WNK1: variants seen among roughly 807,000 people sequenced by gnomAD.
WNK1 encodes serine/threonine-protein kinase WNK1.
Under a neutral mutation model 222.8 loss-of-function variants are expected in WNK1, and 38 were observed. The observed-to-expected ratio is 0.17, with a 90% CI of 0.13 to 0.22. The LOEUF is 0.22. Ranked by LOEUF, WNK1 falls within the 10% of genes least tolerant of loss-of-function variation. The probability of loss-of-function intolerance (pLI) is 1.00; values close to 1 mark genes in which losing one functional copy is unlikely to be tolerated. For synonymous variants in WNK1, 1,090 were observed against 1,092.9 expected, an observed-to-expected ratio of 1.00 and a Z score of 0.05; for missense variants, 2,348 against 2,918.4, an observed-to-expected ratio of 0.80 and a Z score of 4.50.
In WNK1 at chr12:836,500, G is replaced by A. The variant is rs531906337; in HGVS notation, c.1311+6340G>A. Among the ~76,000 whole-genome samples the A allele has an allele frequency of 1.1e-4, 17 of 152,308 alleles. No individual in the cohort carries two copies. The South Asian group carries it at 3.5e-3, about 32-fold the overall frequency. ...CAGAAGGGTTTGACTTAGGCTTTCT[G>A]CTACAAAAGATTGGGAGGATAGTAG... is the stretch of plus-strand genomic sequence containing the variant. On this transcript the variant is annotated intron_variant, in intron 4 of 27. Coordinates refer to ENST00000315939, the MANE Select transcript of WNK1 (RefSeq NM_018979.4).
intron 1 of WNK1, among the ~76,000 whole-genome samples, chr12:778,279 T>C (rs1411070542): frequency 6.6e-6 from 1 of 152,182 alleles, no homozygotes; most frequent in African/African-American, 2.4e-5. Flanking sequence ...TTGAAATTTA[T>C]GTAAAATTCT....
Position 862,068 on chromosome 12 carries a change from T to C in WNK1, c.1952-15T>C. 1 of 1,613,802 alleles carries C rather than the reference T, an allele frequency of 6.2e-7. No homozygotes were observed. Among genetic ancestry groups the C allele is most frequent in the South Asian group, 1.1e-5 (1 of 91,056 alleles). On this transcript the variant is annotated splice_polypyrimidine_tract_variant and intron_variant, in intron 7 of 27. Coordinates refer to ENST00000315939, the MANE Select transcript of WNK1 (RefSeq NM_018979.4). Reference sequence around the variant, plus strand: ...TTCTCTCTCTCTTTTTTTTGGCGATTCATTTTTCCTTCAGCTGATGGGACG... The same window carrying C: ...TTCTCTCTCTCTTTTTTTTGGCGATCCATTTTTCCTTCAGCTGATGGGACG...
Position 885,929 on chromosome 12 carries a change from A to G in WNK1, c.5125A>G (p.Thr1709Ala). The G allele has an allele frequency of 6.2e-7, 1 of 1,602,318 alleles. No homozygotes were observed. Among genetic ancestry groups the G allele is most frequent in the Non-Finnish European group, 8.5e-7 (1 of 1,173,332 alleles). Residue 1709 changes from threonine (T) to alanine (A), a missense_variant, in exon 19 of 28, where the codon ACT becomes GCT. Physicochemically the swap from Thr to Ala is moderately conservative, Grantham distance 58 (BLOSUM62 0). Around this residue, in one of 13 missense-constraint regions of WNK1, gnomAD observed 1,144 missense variants for 1,273.6 expected, o/e 0.90. Coordinates refer to ENST00000315939, the MANE Select transcript of WNK1 (RefSeq NM_018979.4). ...PSKLLTSTTS[T>A]CLPPTNLPLG... The stretch of plus-strand genomic sequence containing the variant: ...CAAACTCCTGACTTCTACCACAAGT[A>G]CTTGCTTACCACCAACCAATTTACC...
intron 27 of WNK1, 35 bp downstream of exon 27, chr12:908,069 A>G: frequency 6.2e-7 from 1 of 1,610,080 alleles, no homozygotes; most frequent in Non-Finnish European, 8.5e-7. Flanking sequence ...AATCCGTAAC[A>G]CACATCTGAG....
chr12:757,135 C>T (rs1940173111), intron 1 of WNK1, among the ~76,000 whole-genome samples: 2 of 151,738 alleles, frequency 1.3e-5, no homozygotes, highest in Admixed American at 1.3e-4. Context: ...GTCCTTATAC[C>T]CATGGCAAAT....
chr12:839,546 T>C (rs1949455669), intron 4 of WNK1, among the ~76,000 whole-genome samples: 1 of 152,164 alleles, frequency 6.6e-6, no homozygotes, highest in Admixed American at 6.5e-5. Flanking sequence ...CTAACCTCAT[T>C]TGTTTTTTTC....
chr12:754,697 G>A (rs767248001), intron 1 of WNK1, among the ~76,000 whole-genome samples: 10 of 152,208 alleles, frequency 6.6e-5, no homozygotes, highest in Non-Finnish European at 1.3e-4. Context: ...GTGATGAGCT[G>A]CGTCTGGGTG....
intron 1 of WNK1, among the ~76,000 whole-genome samples, chr12:807,527 G>GACCC (rs1946476985): frequency 6.6e-6 from 1 of 151,970 alleles, no homozygotes; most frequent in African/African-American, 2.4e-5. Flanking sequence ...CTTACAGGAT[G>GACCC]ACCCACTAAG....
intron 7 of WNK1, among the ~76,000 whole-genome samples, 156 bp downstream of exon 7, chr12:861,499 A>T (rs1951215483): frequency 6.6e-6 from 1 of 152,202 alleles, no homozygotes; most frequent in Non-Finnish European, 1.5e-5. Context: ...CTTTATTCTT[A>T]TATCTGTGAC....
chr12:759,893 G>A (rs766498393), intron 1 of WNK1, among the ~76,000 whole-genome samples: 1 of 148,138 alleles, frequency 6.8e-6, no homozygotes, highest in Admixed American at 6.7e-5. Context: ...TATAAAACAT[G>A]TAGGATAGGG....
At chr12:815,494 CTT>C (rs2154013666) in intron 2 of WNK1, among the ~76,000 whole-genome samples, 1 of 152,280 alleles carries the variant, frequency 6.6e-6, no homozygotes, top group East Asian at 1.9e-4. Flanking sequence ...AACTTCCACT[CTT>C]GTTTATGGCA....
At chr12:813,491 T>C in intron 1 of WNK1, 151 bp from the exon 2 acceptor site, 2 of 774,672 alleles carry the variant, frequency 2.6e-6, no homozygotes, top group Admixed American at 5.1e-5. Context: ...CATGAATGTA[T>C]ATAATCCAAA....
intron 8 of WNK1, chr12:867,878 G>A (rs2154071344): frequency 6.2e-7 from 1 of 1,613,862 alleles, no homozygotes; most frequent in Non-Finnish European, 8.5e-7. Flanking sequence ...TCAGTCCATG[G>A]CGCATCCGTG....
At position 910,374 on chromosome 12, in the gene WNK1, G is replaced by A. The variant is rs1379899579; in HGVS notation, c.*1582G>A. 6.6e-6 allele frequency: 1 copy of A among 152,118 alleles called. No individual in the cohort carries two copies. The highest frequency in any genetic ancestry group is 1.9e-4 in the East Asian group (1 of 5,198). The allele number at this position is 152,118 out of a possible 1,614,324, so 9.4% of individuals were successfully genotyped here. A position where few individuals can be genotyped will look rare whatever the true frequency, so the allele number is the denominator to read the frequency against. On this transcript the variant is annotated 3_prime_UTR_variant, in exon 28 of 28. Coordinates refer to ENST00000315939, the MANE Select transcript of WNK1 (RefSeq NM_018979.4). ...CTTTATGATGTCCAAATGGTTGCAG[G>A]ATCATAATCTATTGTGCCACCTTTA...
Position 885,630 on chromosome 12 carries a change from A to T in WNK1, c.4826A>T (p.Asn1609Ile). Residue 1609 changes from asparagine to isoleucine, a missense_variant, in exon 19 of 28, where the codon AAT becomes ATT. Asn to Ile is a moderately radical substitution (Grantham distance 149, BLOSUM62 -3). This residue lies in a region of WNK1 where 1,144 missense variants were observed against 1,273.6 expected (regional missense o/e 0.90). Coordinates refer to ENST00000315939, the MANE Select transcript of WNK1 (RefSeq NM_018979.4). ...CCACCCTTGGTACAGCCTGTTGCCA[A>T]TGTGCCTGCTGTACAGCAGACACTA... ...SIPPLVQPVA[N>I]VPAVQQTLIH... 6.2e-7 allele frequency: 1 copy of T among 1,614,128 alleles called. No homozygotes were observed. The highest frequency in any genetic ancestry group is 2.2e-5 in the East Asian group (1 of 44,892).
At chr12:809,855 T>C (rs1946746015) in intron 1 of WNK1, among the ~76,000 whole-genome samples, 1 of 152,236 alleles carries the variant, frequency 6.6e-6, no homozygotes, top group Non-Finnish European at 1.5e-5. Flanking sequence ...CTGAAACCCA[T>C]GCTGCCCTGG....
rs761661421 is a variant in WNK1 at position 753,604 on chromosome 12, C to T, written c.39C>T (p.Pro13=). The T allele has an allele frequency of 5.6e-6, 9 of 1,612,790 alleles. No individual in the cohort carries two copies. Among genetic ancestry groups the T allele is most frequent in the Non-Finnish European group, 7.6e-6 (9 of 1,179,944 alleles). ...GGAAEKQSST[P]GSLFLSPPAP... ...CCGCAGAGAAGCAGAGCAGCACTCCCGGTTCCCTGTTCCTCTCGCCGCCGG... is the reference window on the plus strand; with the variant it reads ...CCGCAGAGAAGCAGAGCAGCACTCCTGGTTCCCTGTTCCTCTCGCCGCCGG... Residue 13 remains proline, a synonymous_variant, in exon 1 of 28, where the codon CCC becomes CCT. Transcript: ENST00000315939. This position sits in a 1 kb window ranked among gnomAD's most constrained non-coding sequence, Gnocchi z 5.2.
At chr12:903,772 A>G (rs759318527) in intron 26 of WNK1, among the ~76,000 whole-genome samples, 2 of 152,188 alleles carry the variant, frequency 1.3e-5, no homozygotes, top group Non-Finnish European at 2.9e-5. Flanking sequence ...ATGGAAAGGA[A>G]ACAGGTACTT....
At chr12:777,485 G>T (rs747352906) in intron 1 of WNK1, among the ~76,000 whole-genome samples, 6 of 152,102 alleles carry the variant, frequency 3.9e-5, no homozygotes, top group Admixed American at 3.9e-4. Context: ...TAAAGAATTA[G>T]ATTTGTTTTT....
Sources: allele counts gnomAD v4.1 joint callset (sites outside exome capture counted in the v4.1 genomes callset), GRCh38; gene constraint gnomAD v4.1.1; regional missense constraint gnomAD v4.1.1; non-coding constraint Gnocchi (gnomAD v3.1); transcripts MANE v1.5; gene names NCBI Gene and HGNC (gene_info 2026-07-23, HGNC 2026-07-21).